CFAP74: variants seen among roughly 807,000 people sequenced by gnomAD.
CFAP74 encodes the protein cilia and flagella associated protein 74.
CFAP74 carries 124 observed loss-of-function variants against 188.9 expected under a neutral mutation model. That is an observed-to-expected ratio of 0.66 (90% CI 0.57 to 0.76). The LOEUF (loss-of-function observed/expected upper bound fraction) is 0.76, where lower values mean the gene tolerates loss of function less well. CFAP74 is among the 30% of genes least tolerant of loss of function. The pLI is 0.00. For synonymous variants in CFAP74, 956 were observed against 916.7 expected, an observed-to-expected ratio of 1.04 and a Z score of -0.77; for missense variants, 2,198 against 2,165.2, an observed-to-expected ratio of 1.02 and a Z score of -0.30.
In CFAP74 at chr1:1,924,379, C is replaced by A; in HGVS notation, c.4234+12G>T. 8 of 538,442 alleles carry A rather than the reference C, an allele frequency of 1.5e-5. No individual in the cohort carries two copies. The highest frequency in any genetic ancestry group is 4.5e-5 in the African/African-American group (1 of 22,332). 33.4% of individuals were successfully genotyped at this position (538,442 alleles called of 1,614,324 possible). ...CCCGCAGCTCACCACCCACCCCCCA[C>A]CCCCCGCTCACCGACCACCTCCGTC... On this transcript the variant is annotated intron_variant, in intron 34 of 38. Coordinates refer to ENST00000682832, the MANE Select transcript of CFAP74 (RefSeq NM_001304360.2).
rs72911067 is a variant in CFAP74 at position 1,925,601 on chromosome 1, G to A, written c.4104+182C>T. 9.1e-3 allele frequency among the ~76,000 whole-genome samples: 1,392 copies of A among 152,276 alleles called. 21 individuals carry two copies. Among genetic ancestry groups the A allele is most frequent in the African/African-American group, 0.03 (1,255 of 41,556 alleles). On this transcript the variant is annotated intron_variant, in intron 33 of 38. Transcript: ENST00000682832. The stretch of plus-strand genomic sequence containing the variant: ...TGCAGCCTCCCCAGAAACAGGCCCC[G>A]GGTTCCCTGCAGGAGAGGGCGGCAG...
intron 9 of CFAP74, among the ~76,000 whole-genome samples, chr1:1,971,083 T>A (rs547188104): frequency 1.0e-4 from 12 of 120,038 alleles, no homozygotes; most frequent in African/African-American, 4.0e-4. Flanking sequence ...CTGCACACAC[T>A]CATACATGCA....
intron 16 of CFAP74, 54 bp from the exon 17 acceptor site, chr1:1,956,838 C>T: frequency 1.3e-6 from 2 of 1,580,696 alleles, no homozygotes; most frequent in Non-Finnish European, 8.6e-7. Context: ...CCACAGGGTG[C>T]CCAGCGTGAG....
At chr1:1,958,974 A>C in intron 16 of CFAP74, 146 bp downstream of exon 16, 2 of 620,378 alleles carry the variant, frequency 3.2e-6, no homozygotes, top group Non-Finnish European at 2.8e-6. Context: ...TGCTGTTGGA[A>C]GAAGGGGCTC....
intron 1 of CFAP74, among the ~76,000 whole-genome samples, chr1:2,000,036 C>T (rs1020041925): frequency 1.3e-5 from 2 of 151,962 alleles, no homozygotes; most frequent in Non-Finnish European, 2.9e-5. Context: ...GTGGTGCAGG[C>T]GCCTGGAGTC....
chr1:1,925,396 C>A (rs1161048601), intron 33 of CFAP74, among the ~76,000 whole-genome samples: 1 of 149,944 alleles, frequency 6.7e-6, no homozygotes, highest in Non-Finnish European at 1.5e-5. Flanking sequence ...CAGGGCAGTG[C>A]GGCTCACTGC....
chr1:1,998,097 G>A (rs965465937), intron 1 of CFAP74, among the ~76,000 whole-genome samples: 1 of 152,134 alleles, frequency 6.6e-6, no homozygotes, highest in Non-Finnish European at 1.5e-5. Flanking sequence ...GGCCAATATG[G>A]TAAAACCTCA....
chr1:1,927,240 G>A, intron 28 of CFAP74: 1 of 624,618 alleles, frequency 1.6e-6, no homozygotes, highest in Non-Finnish European at 2.8e-6. Flanking sequence ...CTGGTGGCTG[G>A]AGGCTAGGGG....
intron 9 of CFAP74, among the ~76,000 whole-genome samples, 196 bp from the exon 10 acceptor site, chr1:1,971,012 A>C (rs1558041976): frequency 6.7e-6 from 1 of 149,162 alleles, no homozygotes; most frequent in Non-Finnish European, 1.5e-5. Flanking sequence ...ACACCTGCAC[A>C]TGCACACATC....
At position 1,988,635 on chromosome 1, in the gene CFAP74, G is replaced by C. The variant is rs771618335; in HGVS notation, c.173C>G (p.Thr58Ser). 75 of 1,609,974 alleles carry C rather than the reference G, an allele frequency of 4.7e-5. No individual in the cohort carries two copies. Among genetic ancestry groups the C allele is most frequent in the Non-Finnish European group, 6.3e-5 (74 of 1,179,996 alleles). The stretch of plus-strand genomic sequence containing the variant: ...TTTCTTCTTCAATTTATCAGCATCA[G>C]TATCTAGTTCTTTCACTGAGCTTAG... Reference protein sequence around the residue: ...GHSSSVKELDTDADKLKKKTA... With the variant: ...GHSSSVKELDSDADKLKKKTA... Residue 58 changes from threonine (T) to serine (S), a missense_variant, in exon 4 of 39, where the codon ACT (threonine) becomes AGT (serine). By Grantham distance (58) the Thr-to-Ser change is moderately conservative. Transcript: ENST00000682832.
At chr1:1,927,073 A>C (rs1414839426) in intron 28 of CFAP74, 45 bp from the exon 29 acceptor site, 9 of 1,548,582 alleles carry the variant, frequency 5.8e-6, no homozygotes, top group Non-Finnish European at 7.9e-6. Context: ...GCCCCCACCC[A>C]CCATCGGCCC....
At chr1:2,000,526 C>T (rs1557430110) in intron 1 of CFAP74, among the ~76,000 whole-genome samples, 1 of 152,162 alleles carries the variant, frequency 6.6e-6, no homozygotes, top group Non-Finnish European at 1.5e-5. Context: ...GTGGCTTCAA[C>T]AACAGAGTTG....
intron 1 of CFAP74, among the ~76,000 whole-genome samples, chr1:1,996,247 A>G (rs1657907890): frequency 6.6e-6 from 1 of 152,148 alleles, no homozygotes; most frequent in African/African-American, 2.4e-5. Flanking sequence ...AGCCTTCCGA[A>G]GTGCTGGGAT....
chr1:1,939,360 C>CGGGGAG (rs1553220770), intron 24 of CFAP74, among the ~76,000 whole-genome samples: 2 of 152,144 alleles, frequency 1.3e-5, no homozygotes, highest in Non-Finnish European at 2.9e-5. Context: ...GAAGAAAGAG[C>CGGGGAG]GGGGAGAGGG....
At chr1:1,982,077 ATG>A (rs1194014011) in intron 6 of CFAP74, among the ~76,000 whole-genome samples, 8 of 98,144 alleles carry the variant, frequency 8.2e-5, no homozygotes, top group African/African-American at 1.1e-4. Flanking sequence ...CCGTGGTCAC[ATG>A]CGGGGACACG....
At chr1:1,994,174 T>TA (rs5772056) in intron 1 of CFAP74, among the ~76,000 whole-genome samples, 57,591 of 114,452 alleles carry the variant, frequency 0.5, 13,608 homozygotes, top group South Asian at 0.68. Flanking sequence ...CTAAAAGGGT[T>TA]AAAAAAAAAA....
intron 32 of CFAP74, 88 bp downstream of exon 32, chr1:1,926,140 C>A (rs1034725061): frequency 1.5e-5 from 22 of 1,449,988 alleles, no homozygotes; most frequent in Non-Finnish European, 1.8e-5. Context: ...GGCCTGAGCA[C>A]AGGTGATGCC....
chr1:1,972,354 A>T (rs916425264), intron 8 of CFAP74, among the ~76,000 whole-genome samples: 4 of 152,182 alleles, frequency 2.6e-5, no homozygotes, highest in African/African-American at 9.7e-5. Flanking sequence ...AGAACACAAG[A>T]GGTGGGATGG....
chr1:1,926,048 G>A lies in CFAP74; in HGVS notation c.3949-110C>T, dbSNP rs1319146806. Reference sequence around the variant, plus strand: ...ACGCTGGAGTTGAGACAGCTCTGGGGGGGCTCTGTCAGCTCCGCTCACTTG... The same window carrying A: ...ACGCTGGAGTTGAGACAGCTCTGGGAGGGCTCTGTCAGCTCCGCTCACTTG... On this transcript the variant is annotated intron_variant, in intron 32 of 38. Coordinates refer to ENST00000682832, the MANE Select transcript of CFAP74 (RefSeq NM_001304360.2). 2.1e-6 allele frequency: 3 copies of A among 1,411,488 alleles called. No homozygotes were observed. The East Asian group carries it at 7.5e-5, about 35-fold the overall frequency. 87.4% of individuals were successfully genotyped at this position (1,411,488 alleles called of 1,614,324 possible).
Sources: allele counts gnomAD v4.1 joint callset (sites outside exome capture counted in the v4.1 genomes callset), GRCh38; gene constraint gnomAD v4.1.1; transcripts MANE v1.5; gene names NCBI Gene and HGNC (gene_info 2026-07-23, HGNC 2026-07-21).